The following FARS2 variants were observed in gnomAD, a reference collection of about 807,000 sequenced individuals.
FARS2 encodes phenylalanine--tRNA ligase, mitochondrial.
A neutral mutation model predicts 46.4 loss-of-function variants in FARS2; 40 were observed. That is an observed-to-expected ratio of 0.86 (90% CI 0.67 to 1.12). FARS2 has a LOEUF of 1.12. Ranked by LOEUF, FARS2 falls within the 50% of genes most tolerant of loss-of-function variation. FARS2 has a pLI of 0.00. For missense variants in FARS2, 513 were observed against 567.9 expected (o/e 0.90, Z 0.98); for synonymous variants, 234 against 214.9 (o/e 1.09, Z -0.78).
chr6:5,359,841 C>T (rs1758190059), intron 1 of FARS2, among the ~76,000 whole-genome samples: 1 of 152,246 alleles, frequency 6.6e-6, no homozygotes, highest in Non-Finnish European at 1.5e-5. Context: ...GCTGTAGACA[C>T]TCTCATGTGC....
At chr6:5,543,831 T>G (rs886720068) in intron 4 of FARS2, among the ~76,000 whole-genome samples, 2 of 151,808 alleles carry the variant, frequency 1.3e-5, no homozygotes, top group Admixed American at 1.3e-4. Flanking sequence ...GTCTGGAATT[T>G]CCTATCACTT....
intron 3 of FARS2, among the ~76,000 whole-genome samples, chr6:5,405,025 C>T (rs1761484333): frequency 6.6e-6 from 1 of 151,996 alleles, no homozygotes; most frequent in Non-Finnish European, 1.5e-5. Flanking sequence ...TCTCAAACCC[C>T]TGGCCTCGTG....
chr6:5,365,515 T>A (rs1488512684), intron 1 of FARS2, among the ~76,000 whole-genome samples: 1 of 143,124 alleles, frequency 7.0e-6, no homozygotes, highest in Non-Finnish European at 1.5e-5. Flanking sequence ...ATAAAATTTT[T>A]TTTTTTTTTT....
chr6:5,653,862 T>C (rs912524374), intron 6 of FARS2, among the ~76,000 whole-genome samples: 3 of 151,864 alleles, frequency 2.0e-5, no homozygotes, highest in Middle Eastern at 3.4e-3. Context: ...CTTCGTGGAG[T>C]GCGGGGAAGA....
chr6:5,298,562 G>A (rs1234324288), intron 1 of FARS2, among the ~76,000 whole-genome samples: 2 of 152,220 alleles, frequency 1.3e-5, no homozygotes, highest in East Asian at 3.8e-4. Context: ...GCAGTACACT[G>A]CAGTCCACCT....
intron 1 of FARS2, among the ~76,000 whole-genome samples, chr6:5,286,323 T>G (rs1767108304): frequency 6.6e-6 from 1 of 152,044 alleles, no homozygotes; most frequent in Admixed American, 6.6e-5. Flanking sequence ...AGTGCAGGGG[T>G]GTGATCTTGG....
intron 4 of FARS2, among the ~76,000 whole-genome samples, chr6:5,510,343 C>G (rs1012524657): frequency 6.6e-6 from 1 of 152,170 alleles, no homozygotes; most frequent in African/African-American, 2.4e-5. Context: ...TCCCTTCGCC[C>G]TCTCCCTGCA....
At chr6:5,767,088 C>T (rs1211176914) in intron 6 of FARS2, among the ~76,000 whole-genome samples, 1 of 151,956 alleles carries the variant, frequency 6.6e-6, no homozygotes, top group African/African-American at 2.4e-5. Context: ...CTGAGTCTCA[C>T]TCTATTGCCC....
chr6:5,288,751 A>G (rs1454620964), intron 1 of FARS2, among the ~76,000 whole-genome samples: 1 of 152,220 alleles, frequency 6.6e-6, no homozygotes, highest in Non-Finnish European at 1.5e-5. Flanking sequence ...TAAAAGACAG[A>G]GAATTAGAAA....
chr6:5,489,799 C>T (rs773712964), intron 4 of FARS2, among the ~76,000 whole-genome samples: 3 of 152,014 alleles, frequency 2.0e-5, no homozygotes, highest in Non-Finnish European at 2.9e-5. Context: ...AGTGAACTTA[C>T]GTTGGAATAA....
intron 1 of FARS2, among the ~76,000 whole-genome samples, chr6:5,264,970 GT>G (rs55760923): frequency 3.7e-4 from 50 of 136,182 alleles, no homozygotes; most frequent in African/African-American, 6.3e-4. Flanking sequence ...ATTTTTAAGT[GT>G]TTTTTTTTTT....
upstream of FARS2, chr6:5,260,887 C>T: frequency 7.1e-7 from 1 of 1,408,584 alleles, no homozygotes. Context: ...AGCGGGCAGC[C>T]CTGCGGATCG....
intron 1 of FARS2, among the ~76,000 whole-genome samples, chr6:5,304,922 C>CT (rs1768586916): frequency 1.3e-5 from 2 of 152,274 alleles, no homozygotes; most frequent in South Asian, 4.1e-4. Flanking sequence ...TGGCTCCCTT[C>CT]TTTTTGGGAA....
chr6:5,427,666 G>A (rs1286923058), intron 3 of FARS2, among the ~76,000 whole-genome samples: 3 of 152,080 alleles, frequency 2.0e-5, no homozygotes, highest in Non-Finnish European at 4.4e-5. Context: ...TATCATCTTG[G>A]TGGATTCTGA....
intron 1 of FARS2, among the ~76,000 whole-genome samples, chr6:5,324,680 A>G (rs1265856598): frequency 6.6e-6 from 1 of 152,174 alleles, no homozygotes; most frequent in African/African-American, 2.4e-5. Flanking sequence ...TAAATATACA[A>G]TAAACTGTGT....
chr6:5,567,155 T>C (rs2150551181), intron 5 of FARS2, among the ~76,000 whole-genome samples: 1 of 152,348 alleles, frequency 6.6e-6, no homozygotes. Context: ...TTCCAGTTTC[T>C]CCACATCCTC....
chr6:5,539,408 T>TATATATA (rs68137910), intron 4 of FARS2, among the ~76,000 whole-genome samples: 134 of 93,942 alleles, frequency 1.4e-3, no homozygotes, highest in Non-Finnish European at 1.7e-3. Flanking sequence ...ATGTATATAT[T>TATATATA]TTTTTAGTAG....
intron 1 of FARS2, among the ~76,000 whole-genome samples, chr6:5,336,551 G>T (rs1771172799): frequency 6.6e-6 from 1 of 151,626 alleles, no homozygotes; most frequent in Non-Finnish European, 1.5e-5. Flanking sequence ...TATATTTATG[G>T]GGTACATGAG....
intron 3 of FARS2, among the ~76,000 whole-genome samples, chr6:5,425,528 C>CA (rs1762798489): frequency 2.0e-5 from 3 of 152,136 alleles, no homozygotes; most frequent in Non-Finnish European, 2.9e-5. Flanking sequence ...CACACACACA[C>CA]CCGCCCTGCA....
Sources: gnomAD v4.1 joint callset for allele counts (sites outside exome capture counted in the v4.1 genomes callset) on GRCh38, gnomAD v4.1.1 for gene constraint, MANE v1.5 for transcripts, NCBI Gene and HGNC (gene_info 2026-07-23, HGNC 2026-07-21) for gene names.